Variants in ABCA13 observed in about 807,000 individuals in gnomAD.
ABCA13 encodes ATP binding cassette subfamily A member 13.
A neutral mutation model predicts 478.7 loss-of-function variants in ABCA13; 476 were observed. The ratio of observed to expected loss-of-function variants is 0.99; its 90% confidence interval spans 0.92 to 1.07. The LOEUF (loss-of-function observed/expected upper bound fraction) is 1.07, where lower values mean the gene tolerates loss of function less well. Among genes scored for constraint, ABCA13 ranks in the 50% least tolerant of loss-of-function variants. ABCA13 has a pLI of 0.00. For synonymous variants in ABCA13, 2,252 were observed against 2,158.9 expected (o/e 1.04, Z -1.20); for missense variants, 6,060 against 5,910.6 (o/e 1.03, Z -0.83).
At position 48,403,871 on chromosome 7, in the gene ABCA13, AC is replaced by A; in HGVS notation, c.12064del (p.Arg4022GlufsTer19). The A allele has an allele frequency of 6.2e-7, 1 of 1,613,086 alleles. No homozygotes were observed. The highest frequency in any genetic ancestry group is 1.7e-5 in the Admixed American group (1 of 59,950). On this transcript the variant is annotated frameshift_variant, in exon 39 of 62. Transcript: ENST00000435803. LOFTEE classifies it high-confidence loss of function. ...AGCCTGTGGGACATTCTGCTCAAGT[AC>A]CGAGAAGGTAGGCACTGGGCCTCAT... ...RHSLWDILLKYREGRTIIFTT... is the reference protein window; with the variant it reads ...RHSLWDILLKXREGRTIIFTT...
intron 48 of ABCA13, among the ~76,000 whole-genome samples, chr7:48,503,779 A>G (rs1445891284): frequency 6.6e-6 from 1 of 152,190 alleles, no homozygotes; most frequent in Non-Finnish European, 1.5e-5. Context: ...CTTCAAGATA[A>G]TATTTTATTT....
At chr7:48,221,169 T>C in intron 4 of ABCA13, 112 bp from the exon 5 acceptor site, 1 of 550,114 alleles carries the variant, frequency 1.8e-6, no homozygotes, top group Non-Finnish European at 3.3e-6. Flanking sequence ...ATTTGATTTT[T>C]GGGCCAGGGC....
intron 52 of ABCA13, among the ~76,000 whole-genome samples, chr7:48,517,901 A>G (rs1373229947): frequency 6.6e-6 from 1 of 152,170 alleles, no homozygotes. Flanking sequence ...TCTCATTTCA[A>G]ATCAAACAGG....
chr7:48,540,391 C>T (rs1833871734), intron 55 of ABCA13, among the ~76,000 whole-genome samples: 1 of 152,104 alleles, frequency 6.6e-6, no homozygotes, highest in South Asian at 2.1e-4. Flanking sequence ...AAATAATGGT[C>T]TGCAAGTCCC....
At chr7:48,234,305 C>A in intron 8 of ABCA13, 154 bp downstream of exon 8, 1 of 908,434 alleles carries the variant, frequency 1.1e-6, no homozygotes, top group Non-Finnish European at 1.8e-6. Flanking sequence ...GAAGAGACCC[C>A]TACTGTCTCC....
intron 21 of ABCA13, among the ~76,000 whole-genome samples, chr7:48,296,131 C>T (rs933565989): frequency 3.9e-5 from 6 of 152,134 alleles, no homozygotes; most frequent in African/African-American, 1.2e-4. Context: ...TGGCAAATGC[C>T]TGTAATCCCC....
At chr7:48,282,166 TC>T (rs1401091155) in intron 19 of ABCA13, among the ~76,000 whole-genome samples, 1 of 152,210 alleles carries the variant, frequency 6.6e-6, no homozygotes, top group East Asian at 1.9e-4. Context: ...ACTTGCCAAA[TC>T]CATTCCTGCA....
chr7:48,225,779 C>A lies in ABCA13; in HGVS notation c.469-1483C>A, dbSNP rs547574928. Among the ~76,000 whole-genome samples, 10 of 152,052 alleles carry A rather than the reference C, an allele frequency of 6.6e-5. No individual in the cohort carries two copies. In the South Asian group the frequency reaches 2.1e-3, roughly 32 times the overall value. On this transcript the variant is annotated intron_variant, in intron 5 of 61. Coordinates refer to ENST00000435803, the MANE Select transcript of ABCA13 (RefSeq NM_152701.5). ...ATAATAACATGCTGATAGGAATGAA[C>A]CGATAGAGGGGAAAAGAGAGAATTG... is the stretch of plus-strand genomic sequence containing the variant.
intron 20 of ABCA13, among the ~76,000 whole-genome samples, chr7:48,295,435 A>G (rs1799226885): frequency 6.6e-6 from 1 of 152,244 alleles, no homozygotes; most frequent in Non-Finnish European, 1.5e-5. Context: ...CAGGAAGTTA[A>G]GAGCCAGGCG....
chr7:48,193,046 G>T lies in ABCA13; in HGVS notation c.157G>T (p.Asp53Tyr). ...TTTTCAAGAACCTCCCAGATACAGAGACATTTGTAAGTTTCACTTTTTAAT... is the reference window on the plus strand; with the variant it reads ...TTTTCAAGAACCTCCCAGATACAGATACATTTGTAAGTTTCACTTTTTAAT... ...LRFQEPPRYR[D>Y]ICYLQPRDLP... Residue 53 changes from aspartate (D) to tyrosine (Y), a missense_variant, in exon 2 of 62, where the codon GAC (aspartate) becomes TAC (tyrosine). Physicochemically the swap from Asp to Tyr is radical, Grantham distance 160. Transcript: ENST00000435803. 1 of 1,531,416 alleles carries T rather than the reference G, an allele frequency of 6.5e-7. No homozygotes were observed. Among genetic ancestry groups the T allele is most frequent in the Non-Finnish European group, 8.7e-7 (1 of 1,144,182 alleles). 94.9% of individuals were successfully genotyped at this position (1,531,416 alleles called of 1,614,324 possible).
chr7:48,189,065 A>C (rs1436620716), intron 1 of ABCA13, among the ~76,000 whole-genome samples: 2 of 152,122 alleles, frequency 1.3e-5, no homozygotes, highest in African/African-American at 4.8e-5. Flanking sequence ...TCTTGAGAGG[A>C]GAGCCTGTGG....
rs1013692627 is a variant in ABCA13, at chr7:48,427,688, G to T, written c.12460-78G>T. The T allele has an allele frequency of 1.1e-5, 10 of 888,422 alleles. No individual in the cohort carries two copies. The African/African-American group carries it at 1.7e-4, about 15-fold the overall frequency. 55.0% of individuals were successfully genotyped at this position (888,422 alleles called of 1,614,324 possible). A position where few individuals can be genotyped will look rare whatever the true frequency, so the allele number is the denominator to read the frequency against. ...GCATATGTTGTCACAACCGGATTAG[G>T]CAATTGAGGCAGAAGAAAAGAAATG... On this transcript the variant is annotated intron_variant, in intron 41 of 61. Coordinates refer to ENST00000435803, the MANE Select transcript of ABCA13 (RefSeq NM_152701.5).
intron 43 of ABCA13, among the ~76,000 whole-genome samples, chr7:48,466,031 TG>T (rs1229641492): frequency 3.3e-5 from 5 of 152,136 alleles, no homozygotes; most frequent in Non-Finnish European, 7.4e-5. Flanking sequence ...GACAAGTGTT[TG>T]CAAAGATTCT....
At chr7:48,338,040 G>A (rs1015222602) in intron 28 of ABCA13, among the ~76,000 whole-genome samples, 7 of 152,094 alleles carry the variant, frequency 4.6e-5, no homozygotes, top group Non-Finnish European at 7.4e-5. Context: ...GCAAAGGAAA[G>A]GAATCTTATA....
intron 1 of ABCA13, among the ~76,000 whole-genome samples, chr7:48,180,763 G>A (rs1280757680): frequency 6.6e-6 from 1 of 152,112 alleles, no homozygotes. Context: ...TAAGCCAGGT[G>A]TGGTGGCACA....
intron 47 of ABCA13, among the ~76,000 whole-genome samples, chr7:48,486,844 G>T (rs571259096): frequency 6.6e-5 from 10 of 152,250 alleles, no homozygotes; most frequent in African/African-American, 1.7e-4. Flanking sequence ...TGATAGCAGA[G>T]GCATAAGGGA....
At chr7:48,196,325 GGT>G (rs1166389098) in intron 2 of ABCA13, among the ~76,000 whole-genome samples, 1 of 152,182 alleles carries the variant, frequency 6.6e-6, no homozygotes, top group Non-Finnish European at 1.5e-5. Flanking sequence ...GTTTCCTAGA[GGT>G]ATGCAGATGA....
intron 31 of ABCA13, among the ~76,000 whole-genome samples, chr7:48,356,792 G>T (rs772621673): frequency 3.3e-5 from 5 of 151,902 alleles, no homozygotes; most frequent in African/African-American, 7.3e-5. Flanking sequence ...AGTTATCATA[G>T]AATAATTTTA....
chr7:48,412,575 T>G lies in ABCA13; in HGVS notation c.12451T>G (p.Leu4151Val), dbSNP rs1184786423. ...LTGYGISDTT[L>V]EEVFLMLLQD... The stretch of plus-strand genomic sequence containing the variant: ...GGGCTATGGGATCTCAGACACCACC[T>G]TAGAAGAGGTACTGAGAAAACTGAA... The change falls in exon 41 of 62, where the codon TTA (leucine) becomes GTA (valine). Residue 4151 changes from leucine to valine, a missense_variant. Transcript: ENST00000435803. 6.2e-7 allele frequency: 1 copy of G among 1,603,748 alleles called. No homozygotes were observed. The highest frequency in any genetic ancestry group is 1.7e-5 in the Admixed American group (1 of 58,402).
Sources: gnomAD v4.1 joint callset for allele counts (sites outside exome capture counted in the v4.1 genomes callset) on GRCh38, gnomAD v4.1.1 for gene constraint, MANE v1.5 for transcripts, NCBI Gene and HGNC (gene_info 2026-07-23, HGNC 2026-07-21) for gene names.